The following WDR72 variants were observed in gnomAD, a reference collection of about 807,000 sequenced individuals.
WDR72 encodes WD repeat-containing protein 72.
In WDR72, 120 loss-of-function variants were observed where a neutral mutation model predicts 124.2. That is an observed-to-expected ratio of 0.97 (90% CI 0.83 to 1.12). WDR72 has a LOEUF of 1.12. Among genes scored for constraint, WDR72 ranks in the 50% most tolerant of loss-of-function variants. WDR72 has a pLI of 0.00. For missense variants in WDR72, 1,387 were observed against 1,278.8 expected, an observed-to-expected ratio of 1.08 and a Z score of -1.29; for synonymous variants, 452 against 441.7, an observed-to-expected ratio of 1.02 and a Z score of -0.29.
At chr15:53,558,019 CAG>C (rs1287593587) in intron 18 of WDR72, among the ~76,000 whole-genome samples, 2 of 151,858 alleles carry the variant, frequency 1.3e-5, no homozygotes, top group Non-Finnish European at 2.9e-5. Flanking sequence ...GATGCTGAAA[CAG>C]GGGCACTGGT....
chr15:53,743,406 A>G (rs1162960137), intron 1 of WDR72, among the ~76,000 whole-genome samples: 1 of 152,142 alleles, frequency 6.6e-6, no homozygotes, highest in African/African-American at 2.4e-5. Flanking sequence ...TATATATCAA[A>G]TAAGACCAAA....
At chr15:53,601,857 A>G (rs184508265) in intron 17 of WDR72, among the ~76,000 whole-genome samples, 1 of 152,258 alleles carries the variant, frequency 6.6e-6, no homozygotes, top group East Asian at 1.9e-4. Context: ...GTTCTTAGAG[A>G]CCTACAAAGA....
At chr15:53,693,409 T>C (rs1377785664) in intron 13 of WDR72, among the ~76,000 whole-genome samples, 1 of 152,188 alleles carries the variant, frequency 6.6e-6, no homozygotes, top group African/African-American at 2.4e-5. Context: ...GCACATATTC[T>C]ACATACCCCT....
chr15:53,515,990 T>C lies in WDR72; in HGVS notation c.*1709A>G, dbSNP rs770993640. On this transcript the variant is annotated 3_prime_UTR_variant, in exon 20 of 20. Transcript: ENST00000360509. ...AAAATGCTTTTGGGAGTCCTTATAA[T>C]GTCCTTGACAACTGGTATACAACAA... 4 of 152,146 alleles carry C rather than the reference T, an allele frequency of 2.6e-5. No homozygotes were observed. Among genetic ancestry groups the C allele is most frequent in the African/African-American group, 4.8e-5 (2 of 41,456 alleles). The allele number at this position is 152,146 out of a possible 1,614,324, so 9.4% of individuals were successfully genotyped here. A position where few individuals can be genotyped will look rare whatever the true frequency, so the allele number is the denominator to read the frequency against.
At chr15:53,630,100 G>A (rs1207115033) in intron 14 of WDR72, among the ~76,000 whole-genome samples, 1 of 151,756 alleles carries the variant, frequency 6.6e-6, no homozygotes, top group African/African-American at 2.4e-5. Flanking sequence ...CAGCAAATTA[G>A]GAAATCAAGA....
At chr15:53,653,862 T>TA (rs777676892) in intron 14 of WDR72, among the ~76,000 whole-genome samples, 4 of 151,946 alleles carry the variant, frequency 2.6e-5, no homozygotes, top group Non-Finnish European at 5.9e-5. Flanking sequence ...AAGAAAATAA[T>TA]AGAGTTCCTA....
intron 14 of WDR72, among the ~76,000 whole-genome samples, chr15:53,623,388 GTTAA>G (rs1457890900): frequency 6.6e-6 from 1 of 151,902 alleles, no homozygotes; most frequent in Non-Finnish European, 1.5e-5. Context: ...CTGTTCCTGT[GTTAA>G]TTAACTTAGG....
intron 18 of WDR72, 41 bp from the exon 19 acceptor site, chr15:53,523,363 G>T: frequency 6.4e-7 from 1 of 1,562,448 alleles, no homozygotes; most frequent in Non-Finnish European, 8.8e-7. Context: ...ACAGAAGAGA[G>T]AGGATGAAAA....
chr15:53,634,066 A>C (rs990535401), intron 14 of WDR72, among the ~76,000 whole-genome samples: 1 of 152,246 alleles, frequency 6.6e-6, no homozygotes, highest in African/African-American at 2.4e-5. Flanking sequence ...TAAGTTTTGA[A>C]AATGATAATG....
chr15:53,762,050 C>T (rs1290141927), upstream of WDR72, among the ~76,000 whole-genome samples: 5 of 151,900 alleles, frequency 3.3e-5, no homozygotes, highest in African/African-American at 1.2e-4. Context: ...AGTTACATGA[C>T]TTTACCCTCC....
intron 18 of WDR72, among the ~76,000 whole-genome samples, chr15:53,553,983 G>C (rs1411749739): frequency 6.6e-6 from 1 of 151,974 alleles, no homozygotes; most frequent in Non-Finnish European, 1.5e-5. Context: ...AGTAAACTTG[G>C]TAAATGTTTA....
At chr15:53,643,569 T>C (rs968727644) in intron 14 of WDR72, among the ~76,000 whole-genome samples, 3 of 152,068 alleles carry the variant, frequency 2.0e-5, no homozygotes, top group African/African-American at 7.2e-5. Flanking sequence ...AAACTTTCTT[T>C]GGGGCAACCA....
At chr15:53,517,975 T>C (rs1354050776) in intron 19 of WDR72, among the ~76,000 whole-genome samples, 1 of 152,090 alleles carries the variant, frequency 6.6e-6, no homozygotes, top group Non-Finnish European at 1.5e-5. Context: ...AATAAAAATA[T>C]ACTTGTCTTA....
chr15:53,715,176 T>A lies in WDR72; in HGVS notation c.514+17A>T, dbSNP rs768279263. ...TATATGCAATCTCTCTACTGTCAGA[T>A]AATATCCAACTATTACCTTGAATTC... On this transcript the variant is annotated intron_variant, in intron 5 of 19. Transcript: ENST00000360509. 3.1e-6 allele frequency: 5 copies of A among 1,613,534 alleles called. No individual in the cohort carries two copies. The highest frequency in any genetic ancestry group is 1.1e-5 in the South Asian group (1 of 91,004).
chr15:53,737,470 T>C (rs2018390307), intron 1 of WDR72, among the ~76,000 whole-genome samples: 1 of 151,938 alleles, frequency 6.6e-6, no homozygotes, highest in African/African-American at 2.4e-5. Context: ...AATAAAGAGG[T>C]GAATAATAAT....
chr15:53,762,533 C>T (rs2019078316), upstream of WDR72: 2 of 152,238 alleles, frequency 1.3e-5, no homozygotes, highest in Non-Finnish European at 2.9e-5. Context: ...TTAAGGCATT[C>T]CCAGCCATCA....
chr15:53,565,475 A>G (rs986334296), intron 18 of WDR72, among the ~76,000 whole-genome samples: 4 of 151,924 alleles, frequency 2.6e-5, no homozygotes, highest in African/African-American at 9.7e-5. Context: ...ATATGCAACA[A>G]TGTGCCAAGA....
intron 14 of WDR72, among the ~76,000 whole-genome samples, chr15:53,657,052 C>G (rs2015445670): frequency 6.6e-6 from 1 of 151,854 alleles, no homozygotes; most frequent in Non-Finnish European, 1.5e-5. Context: ...ATCACAAGGT[C>G]AGGAGATCGA....
chr15:53,685,729 C>G (rs142812667), intron 13 of WDR72, among the ~76,000 whole-genome samples: 44,472 of 150,440 alleles, frequency 0.3, 7,194 homozygotes, highest in Admixed American at 0.34. Context: ...AGATACTCCT[C>G]GAGAAGACCA....
Sources: gnomAD v4.1 joint callset for allele counts (sites outside exome capture counted in the v4.1 genomes callset) on GRCh38, gnomAD v4.1.1 for gene constraint, MANE v1.5 for transcripts, NCBI Gene and HGNC (gene_info 2026-07-23, HGNC 2026-07-21) for gene names.